Variants in ME1 observed in about 807,000 individuals in gnomAD.
ME1 encodes the protein malic enzyme 1.
In ME1, 74 loss-of-function variants were observed where a neutral mutation model predicts 66.4. The ratio of observed to expected loss-of-function variants is 1.11; its 90% confidence interval spans 0.92 to 1.35. The LOEUF is 1.35. Ranked by LOEUF, ME1 falls within the 40% of genes most tolerant of loss-of-function variation. The pLI, the probability that ME1 is intolerant of heterozygous loss-of-function variation, is 0.00. For synonymous variants in ME1, 251 were observed against 235.6 expected, an observed-to-expected ratio of 1.07 and a Z score of -0.60; for missense variants, 750 against 694.1, an observed-to-expected ratio of 1.08 and a Z score of -0.90.
chr6:83,315,526 A>T, intron 5 of ME1, 113 bp from the exon 6 acceptor site: 1 of 644,506 alleles, frequency 1.6e-6, no homozygotes, highest in South Asian at 2.0e-5. Context: ...ATCTTACCAT[A>T]CTGATTCAGA....
intron 7 of ME1, among the ~76,000 whole-genome samples, chr6:83,243,026 G>A (rs1364066559): frequency 1.3e-5 from 2 of 152,042 alleles, no homozygotes; most frequent in African/African-American, 4.8e-5. Context: ...GGGAGGCCAA[G>A]GCAGGAGGGT....
chr6:83,315,491 T>C, intron 5 of ME1, 78 bp from the exon 6 acceptor site: 1 of 816,304 alleles, frequency 1.2e-6, no homozygotes, highest in Non-Finnish European at 2.0e-6. Flanking sequence ...TTCATCTGTA[T>C]AAAAGGGACA....
At position 83,227,347 on chromosome 6, in the gene ME1, G is replaced by C; in HGVS notation, c.1263C>G (p.Tyr421Ter). 1 of 1,543,888 alleles carries C rather than the reference G, an allele frequency of 6.5e-7. No individual in the cohort carries two copies. Among genetic ancestry groups the C allele is most frequent in the South Asian group, 1.3e-5 (1 of 78,918 alleles). The change falls in exon 11 of 14, where the codon TAC (tyrosine) becomes TAG (stop). Residue 421 changes from tyrosine (Y) to a stop codon, truncating the protein, a stop_gained. Coordinates refer to ENST00000369705, the MANE Select transcript of ME1 (RefSeq NM_002395.6). LOFTEE classifies it high-confidence loss of function. ...AGTTTTACTTTACCTTGGTTATTTT[G>C]TAGCACTGCTCTGCAGAACATTCTG... is the stretch of plus-strand genomic sequence containing the variant. ...SKAECSAEQC[Y>*]KITKGRAIFA... is the part of the protein sequence containing the mutation.
At chr6:83,397,302 T>C (rs1769751910) in intron 3 of ME1, among the ~76,000 whole-genome samples, 1 of 152,082 alleles carries the variant, frequency 6.6e-6, no homozygotes, top group African/African-American at 2.4e-5. Flanking sequence ...AACCTGTTCT[T>C]AAAATGAGCA....
intron 3 of ME1, chr6:83,392,722 A>G: frequency 3.2e-6 from 2 of 629,544 alleles, no homozygotes; most frequent in East Asian, 7.7e-5. Flanking sequence ...CAGCATCTTC[A>G]CCACCATGGA....
intron 6 of ME1, among the ~76,000 whole-genome samples, chr6:83,271,608 G>C (rs890252253): frequency 6.6e-6 from 1 of 151,990 alleles, no homozygotes; most frequent in Non-Finnish European, 1.5e-5. Flanking sequence ...ATACGTTGTG[G>C]GTTCTGTGGT....
chr6:83,346,905 T>C (rs577999646), intron 4 of ME1, among the ~76,000 whole-genome samples: 2 of 152,220 alleles, frequency 1.3e-5, no homozygotes, highest in East Asian at 3.9e-4. Context: ...CTAGACTTAA[T>C]GAATTTTGTC....
intron 6 of ME1, among the ~76,000 whole-genome samples, chr6:83,306,144 C>CT (rs922832227): frequency 2.0e-5 from 3 of 152,048 alleles, no homozygotes; most frequent in African/African-American, 7.2e-5. Flanking sequence ...ATTGAATCTT[C>CT]TTTTTTTATG....
At chr6:83,383,402 C>G (rs1769445234) in intron 3 of ME1, among the ~76,000 whole-genome samples, 1 of 151,852 alleles carries the variant, frequency 6.6e-6, no homozygotes, top group Non-Finnish European at 1.5e-5. Flanking sequence ...TCAAAATGTA[C>G]AGAAAATAAT....
chr6:83,340,506 A>C (rs376170210), intron 5 of ME1, among the ~76,000 whole-genome samples: 1 of 152,320 alleles, frequency 6.6e-6, no homozygotes, highest in East Asian at 1.9e-4. Flanking sequence ...ACATTTACCA[A>C]GTGCTTTCAA....
chr6:83,244,964 G>T (rs1327002027), intron 7 of ME1, among the ~76,000 whole-genome samples: 1 of 152,072 alleles, frequency 6.6e-6, no homozygotes, highest in Non-Finnish European at 1.5e-5. Context: ...ATTGCTATTG[G>T]ATCTTGCAAT....
chr6:83,430,898 T>G lies in ME1; in HGVS notation c.57A>C (p.Thr19=). The G allele has an allele frequency of 6.2e-7, 1 of 1,603,048 alleles. No individual in the cohort carries two copies. Among genetic ancestry groups the G allele is most frequent in the Admixed American group, 1.7e-5 (1 of 59,170 alleles). The part of the protein sequence containing the change: ...RHTHQRGYLL[T]RNPHLNKDLA... ...TTACCTTGTTGAGGTGAGGGTTCCGTGTCAGCAGGTAGCCGCGCTGATGGG... is the reference window on the plus strand; with the variant it reads ...TTACCTTGTTGAGGTGAGGGTTCCGGGTCAGCAGGTAGCCGCGCTGATGGG... Residue 19 remains threonine (T), a synonymous_variant, in exon 1 of 14, where the codon ACA becomes ACC. Transcript: ENST00000369705.
At chr6:83,235,754 G>A (rs955883153) in intron 9 of ME1, among the ~76,000 whole-genome samples, 2 of 152,130 alleles carry the variant, frequency 1.3e-5, no homozygotes, top group Non-Finnish European at 2.9e-5. Flanking sequence ...TTATAGGCGT[G>A]AGCCACCACG....
At chr6:83,358,298 T>C (rs1246625521) in intron 3 of ME1, among the ~76,000 whole-genome samples, 2 of 152,124 alleles carry the variant, frequency 1.3e-5, no homozygotes, top group Non-Finnish European at 2.9e-5. Flanking sequence ...TTAGTGACTC[T>C]ATACCTAATA....
intron 5 of ME1, among the ~76,000 whole-genome samples, chr6:83,324,551 A>C (rs1449560567): frequency 6.6e-6 from 1 of 151,956 alleles, no homozygotes; most frequent in Non-Finnish European, 1.5e-5. Flanking sequence ...AGAATACTAC[A>C]AACACCTCTA....
At chr6:83,274,810 C>T (rs575569873) in intron 6 of ME1, among the ~76,000 whole-genome samples, 1 of 152,312 alleles carries the variant, frequency 6.6e-6, no homozygotes, top group African/African-American at 2.4e-5. Context: ...CGATCAGTGA[C>T]AAATCACGTC....
chr6:83,262,422 A>G (rs935175821), intron 6 of ME1, among the ~76,000 whole-genome samples: 11 of 152,224 alleles, frequency 7.2e-5, no homozygotes, highest in Admixed American at 2.0e-4. Context: ...GCAAACTTAC[A>G]ATAGAGAATT....
chr6:83,242,054 C>T lies in ME1; in HGVS notation c.815-2418G>A, dbSNP rs563608204. Among the ~76,000 whole-genome samples, 70 of 152,052 alleles carry T rather than the reference C, an allele frequency of 4.6e-4. 1 individual carries two copies. Among genetic ancestry groups the T allele is most frequent in the African/African-American group, 1.5e-3 (61 of 41,498 alleles). On this transcript the variant is annotated intron_variant, in intron 7 of 13. Coordinates refer to ENST00000369705, the MANE Select transcript of ME1 (RefSeq NM_002395.6). ...ATTTTTGTATTTTTAGTAGAGACAG[C>T]GTTTTGCCATGTTGGCCAGACTGGT...
intron 5 of ME1, among the ~76,000 whole-genome samples, chr6:83,322,560 T>C (rs1021117039): frequency 1.3e-5 from 2 of 151,948 alleles, no homozygotes; most frequent in African/African-American, 2.4e-5. Flanking sequence ...ATATCTGAGA[T>C]TGAAGATCAA....
Sources: gnomAD v4.1 joint callset for allele counts (sites outside exome capture counted in the v4.1 genomes callset) on GRCh38, gnomAD v4.1.1 for gene constraint, MANE v1.5 for transcripts, NCBI Gene and HGNC (gene_info 2026-07-23, HGNC 2026-07-21) for gene names.